The following ERC2 variants were observed in gnomAD, a reference collection of about 807,000 sequenced individuals.
ERC2 encodes the protein ELKS/RAB6-interacting/CAST family member 2.
A neutral mutation model predicts 114.8 loss-of-function variants in ERC2; 42 were observed. The observed-to-expected ratio is 0.37, with a 90% CI of 0.29 to 0.47. The LOEUF is 0.47. Ranked by LOEUF, ERC2 falls within the 20% of genes least tolerant of loss-of-function variation. The pLI, the probability that ERC2 is intolerant of heterozygous loss-of-function variation, is 0.99. For synonymous variants in ERC2, 454 were observed against 425.5 expected, an observed-to-expected ratio of 1.07 and a Z score of -0.82; for missense variants, 939 against 1,150.7, an observed-to-expected ratio of 0.82 and a Z score of 2.66.
At chr3:56,118,097 G>T (rs1401894809) in intron 6 of ERC2, among the ~76,000 whole-genome samples, 2 of 152,184 alleles carry the variant, frequency 1.3e-5, no homozygotes, top group African/African-American at 4.8e-5. Context: ...GCATTAGACT[G>T]GCTGGAGTTA....
rs552619538 is a variant in ERC2 at position 56,435,513 on chromosome 3, C to T, written c.-140-366G>A. 4.3e-4 allele frequency among the ~76,000 whole-genome samples: 66 copies of T among 152,298 alleles called. No individual in the cohort carries two copies. In the Middle Eastern group the frequency reaches 0.01, roughly 24 times the overall value. Reference sequence around the variant, plus strand: ...GAATTGCCCATCATGGAGACCTTAGCTATAAAAAGGCCCCTCCTTTGGGGC... The same window carrying T: ...GAATTGCCCATCATGGAGACCTTAGTTATAAAAAGGCCCCTCCTTTGGGGC... On this transcript the variant is annotated intron_variant, in intron 1 of 17. Coordinates refer to ENST00000288221, the MANE Select transcript of ERC2 (RefSeq NM_015576.3).
At chr3:55,936,107 A>C (rs1576272528) in intron 13 of ERC2, among the ~76,000 whole-genome samples, 1 of 152,252 alleles carries the variant, frequency 6.6e-6, no homozygotes, top group East Asian at 1.9e-4. Flanking sequence ...GTCTCCATTG[A>C]GTCTCAGGCA....
intron 7 of ERC2, among the ~76,000 whole-genome samples, chr3:56,080,016 G>T (rs1257549349): frequency 2.6e-5 from 4 of 152,056 alleles, no homozygotes. Context: ...GCCCACCATT[G>T]ATTTCCACCT....
chr3:55,951,732 C>A (rs149104724), intron 12 of ERC2, among the ~76,000 whole-genome samples: 1 of 152,122 alleles, frequency 6.6e-6, no homozygotes, highest in East Asian at 1.9e-4. Context: ...ATTGCCAGGT[C>A]AACCACTGTT....
At chr3:56,346,322 T>C (rs1560636248) in intron 2 of ERC2, among the ~76,000 whole-genome samples, 1 of 152,186 alleles carries the variant, frequency 6.6e-6, no homozygotes. Flanking sequence ...TAAAAACTGA[T>C]GTTGGCCAAC....
In ERC2 at chr3:56,313,001, CATATATATATATATATATATAT is replaced by C. The variant is rs3055903; in HGVS notation, c.658-16588_658-16567del. 1.0e-3 allele frequency among the ~76,000 whole-genome samples: 45 copies of C among 43,884 alleles called. 4 individuals are homozygous for C. The South Asian group carries it at 0.02, about 20-fold the overall frequency. The allele number at this position is 43,884 out of a possible 152,430, so 28.8% of individuals were successfully genotyped here. ...TTAATATTTAGTGAATATGTATATT[CATATATATATATATATATATAT>C]ATATATATATATATGGGGTGGGAGA... On this transcript the variant is annotated intron_variant, in intron 2 of 17. Transcript: ENST00000288221.
chr3:55,621,096 A>G (rs188524301), intron 17 of ERC2, among the ~76,000 whole-genome samples: 2 of 151,978 alleles, frequency 1.3e-5, no homozygotes, highest in Non-Finnish European at 2.9e-5. Flanking sequence ...CATCATCCAT[A>G]CCCCATTTCC....
At chr3:55,983,317 G>GTCA (rs2070310507) in intron 12 of ERC2, among the ~76,000 whole-genome samples, 1 of 152,166 alleles carries the variant, frequency 6.6e-6, no homozygotes, top group Admixed American at 6.6e-5. Flanking sequence ...AACCTCATCT[G>GTCA]TCATAAGTCA....
chr3:55,868,380 C>A (rs1276118320), intron 14 of ERC2, among the ~76,000 whole-genome samples: 2 of 152,206 alleles, frequency 1.3e-5, no homozygotes, highest in Non-Finnish European at 2.9e-5. Flanking sequence ...TTTAGGAACC[C>A]TGGAGCCTGT....
At chr3:56,205,334 G>A (rs2048657327) in intron 3 of ERC2, among the ~76,000 whole-genome samples, 1 of 152,106 alleles carries the variant, frequency 6.6e-6, no homozygotes, top group Admixed American at 6.5e-5. Context: ...AAGCCCATCT[G>A]CAAATGTTTG....
intron 17 of ERC2, among the ~76,000 whole-genome samples, chr3:55,571,416 T>C (rs2056706959): frequency 6.6e-6 from 1 of 152,118 alleles, no homozygotes; most frequent in African/African-American, 2.4e-5. Flanking sequence ...CCCCAACCAC[T>C]TCCTCCCTTC....
intron 2 of ERC2, among the ~76,000 whole-genome samples, chr3:56,422,971 T>A (rs560318471): frequency 6.6e-6 from 1 of 152,352 alleles, no homozygotes; most frequent in South Asian, 2.1e-4. Context: ...TCAGTGAAAG[T>A]GTAAAGAAAT....
chr3:55,763,516 C>A (rs572562088), intron 14 of ERC2, among the ~76,000 whole-genome samples: 1 of 152,262 alleles, frequency 6.6e-6, no homozygotes, highest in Admixed American at 6.5e-5. Context: ...CTGACTCCTG[C>A]CAACTGGTGA....
At chr3:55,543,117 G>A (rs979167315) in intron 17 of ERC2, among the ~76,000 whole-genome samples, 1 of 152,086 alleles carries the variant, frequency 6.6e-6, no homozygotes, top group African/African-American at 2.4e-5. Flanking sequence ...TGTTTAATCT[G>A]TCCTTCCATC....
At chr3:55,869,698 C>A (rs888444362) in intron 14 of ERC2, among the ~76,000 whole-genome samples, 1 of 152,052 alleles carries the variant, frequency 6.6e-6, no homozygotes, top group African/African-American at 2.4e-5. Flanking sequence ...TTATAATTAC[C>A]AGCTTATCCC....
intron 13 of ERC2, among the ~76,000 whole-genome samples, chr3:55,944,946 T>G (rs771020017): frequency 6.6e-6 from 1 of 152,202 alleles, no homozygotes; most frequent in African/African-American, 2.4e-5. Flanking sequence ...GAACAGAGTC[T>G]GAAAAAATTA....
chr3:55,539,471 G>A (rs910973043), intron 17 of ERC2, among the ~76,000 whole-genome samples: 6 of 108,314 alleles, frequency 5.5e-5, no homozygotes, highest in Non-Finnish European at 9.1e-5. Context: ...CGCCCAGACT[G>A]GAGTGCAGTG....
chr3:55,924,842 C>T (rs1015846630), intron 13 of ERC2, among the ~76,000 whole-genome samples: 1 of 152,108 alleles, frequency 6.6e-6, no homozygotes, highest in Admixed American at 6.6e-5. Flanking sequence ...GATTCAAATC[C>T]ATTCAAAATG....
intron 16 of ERC2, among the ~76,000 whole-genome samples, chr3:55,698,769 T>C (rs1033438958): frequency 1.3e-5 from 2 of 152,196 alleles, no homozygotes; most frequent in African/African-American, 4.8e-5. Context: ...TTGTAAATAG[T>C]TTTTGCATTT....
Sources: gnomAD v4.1 joint callset for allele counts (sites outside exome capture counted in the v4.1 genomes callset) on GRCh38, gnomAD v4.1.1 for gene constraint, MANE v1.5 for transcripts, NCBI Gene and HGNC (gene_info 2026-07-23, HGNC 2026-07-21) for gene names.